Variants in RAD51B observed in about 807,000 individuals in gnomAD.
RAD51B encodes DNA repair protein RAD51 homolog 2.
Under a neutral mutation model 42.2 loss-of-function variants are expected in RAD51B, and 38 were observed. The observed-to-expected ratio is 0.90, with a 90% CI of 0.70 to 1.18. The LOEUF (loss-of-function observed/expected upper bound fraction) is 1.18. RAD51B is among the 50% of genes most tolerant of loss of function. The pLI is 0.00. For synonymous variants in RAD51B, 154 were observed against 145.2 expected, an observed-to-expected ratio of 1.06 and a Z score of -0.43; for missense variants, 373 against 400.7, an observed-to-expected ratio of 0.93 and a Z score of 0.59.
chr14:67,829,059 A>G (rs2040935518), intron 3 of RAD51B, among the ~76,000 whole-genome samples: 1 of 152,194 alleles, frequency 6.6e-6, no homozygotes, highest in Non-Finnish European at 1.5e-5. Flanking sequence ...CATTGAATCT[A>G]TAAATTACTT....
intron 8 of RAD51B, among the ~76,000 whole-genome samples, chr14:68,326,482 G>T (rs1014556334): frequency 6.6e-6 from 1 of 152,202 alleles, no homozygotes; most frequent in Non-Finnish European, 1.5e-5. Flanking sequence ...GTAAGGACAT[G>T]TAGGGGTTTG....
intron 7 of RAD51B, among the ~76,000 whole-genome samples, chr14:68,074,279 G>A (rs1205416663): frequency 1.3e-5 from 2 of 152,020 alleles, no homozygotes; most frequent in Non-Finnish European, 2.9e-5. Flanking sequence ...ACTAGTCTTT[G>A]AGCTCTGAGA....
chr14:68,467,007 C>A (rs1594880307), intron 9 of RAD51B, among the ~76,000 whole-genome samples: 1 of 152,318 alleles, frequency 6.6e-6, no homozygotes, highest in East Asian at 1.9e-4. Flanking sequence ...GCCTTTTGAT[C>A]ATTTGAAATT....
intron 7 of RAD51B, among the ~76,000 whole-genome samples, chr14:67,890,647 T>G (rs1206971420): frequency 8.1e-6 from 1 of 123,588 alleles, no homozygotes; most frequent in Admixed American, 1.1e-4. Flanking sequence ...GAGTGTAAAC[T>G]TCTTAATGAC....
chr14:67,837,245 A>AT (rs1373672178), intron 4 of RAD51B, among the ~76,000 whole-genome samples: 1 of 152,024 alleles, frequency 6.6e-6, no homozygotes, highest in Non-Finnish European at 1.5e-5. Context: ...ATTTTACATA[A>AT]ACTTTTTGGG....
intron 9 of RAD51B, among the ~76,000 whole-genome samples, chr14:68,428,559 A>G (rs1455081166): frequency 6.6e-6 from 1 of 151,648 alleles, no homozygotes; most frequent in African/African-American, 2.4e-5. Flanking sequence ...GGAAATCATC[A>G]TTCATCATTC....
intron 10 of RAD51B, among the ~76,000 whole-genome samples, chr14:68,619,751 A>T (rs1337561732): frequency 6.6e-6 from 1 of 152,216 alleles, no homozygotes; most frequent in Non-Finnish European, 1.5e-5. Flanking sequence ...TGTCCTAAGA[A>T]AGGGAAAATG....
At chr14:68,536,939 G>A (rs1027193778) in intron 10 of RAD51B, among the ~76,000 whole-genome samples, 1 of 151,836 alleles carries the variant, frequency 6.6e-6, no homozygotes, top group African/African-American at 2.4e-5. Context: ...AAATTAGCTG[G>A]GTGTGGTGGT....
chr14:67,944,207 T>A, intron 7 of RAD51B, among the ~76,000 whole-genome samples: 1 of 151,304 alleles, frequency 6.6e-6, no homozygotes, highest in East Asian at 1.9e-4. Context: ...AAAGATTTTT[T>A]TTTTTTTTTT....
chr14:67,824,527 GCATTA>G (rs2040743996), intron 2 of RAD51B, among the ~76,000 whole-genome samples: 1 of 152,022 alleles, frequency 6.6e-6, no homozygotes, highest in Non-Finnish European at 1.5e-5. Flanking sequence ...CAAAGTGCTA[GCATTA>G]CAGACATGAG....
intron 8 of RAD51B, among the ~76,000 whole-genome samples, chr14:68,348,765 G>T (rs941538877): frequency 6.6e-6 from 1 of 152,186 alleles, no homozygotes; most frequent in Non-Finnish European, 1.5e-5. Context: ...CAGGCATGGT[G>T]GGGGGCGCCT....
chr14:67,863,386 G>A (rs973064894), intron 4 of RAD51B, among the ~76,000 whole-genome samples: 1 of 152,026 alleles, frequency 6.6e-6, no homozygotes, highest in Non-Finnish European at 1.5e-5. Flanking sequence ...ACTTACTAGC[G>A]ATGTAAATTC....
In RAD51B at chr14:68,535,956, T is replaced by C. The variant is rs114250952; in HGVS notation, c.1037-58529T>C. On this transcript the variant is annotated intron_variant, in intron 10 of 10. Coordinates refer to the RAD51B transcript ENST00000487270. ...ATGCAACAGAAATGCTTCTGGCTAA[T>C]GTAAGCCAGAGTTTAAAAGAAGGAT... Among the ~76,000 whole-genome samples the C allele has an allele frequency of 6.3e-3, 955 of 152,290 alleles. 12 individuals carry two copies. Among genetic ancestry groups the C allele is most frequent in the African/African-American group, 0.022 (927 of 41,552 alleles).
chr14:67,888,558 A>G (rs967251794), intron 7 of RAD51B, among the ~76,000 whole-genome samples: 12 of 152,106 alleles, frequency 7.9e-5, no homozygotes, highest in African/African-American at 2.7e-4. Flanking sequence ...ATGTCACTGC[A>G]CTTCAGCCTG....
intron 7 of RAD51B, among the ~76,000 whole-genome samples, chr14:68,115,382 CTG>C (rs1484340741): frequency 9.1e-6 from 1 of 110,296 alleles, no homozygotes; most frequent in Non-Finnish European, 1.7e-5. Context: ...ACATCACACT[CTG>C]GGGACTGTTG....
chr14:68,392,455 T>A (rs1462516447), intron 8 of RAD51B, among the ~76,000 whole-genome samples: 1 of 152,166 alleles, frequency 6.6e-6, no homozygotes, highest in Non-Finnish European at 1.5e-5. Flanking sequence ...TGTCTCCATA[T>A]CTCTTTAGTG....
chr14:68,066,320 T>TA (rs11324156), intron 7 of RAD51B, among the ~76,000 whole-genome samples: 2 of 151,764 alleles, frequency 1.3e-5, no homozygotes, highest in Non-Finnish European at 1.5e-5. Context: ...TGGTAAAATT[T>TA]AAAAAAAAGA....
chr14:68,029,553 G>A (rs2076008360), intron 7 of RAD51B, among the ~76,000 whole-genome samples: 1 of 152,090 alleles, frequency 6.6e-6, no homozygotes, highest in Non-Finnish European at 1.5e-5. Flanking sequence ...CAATTCAATC[G>A]TATCTTCAGG....
At chr14:68,285,946 A>T (rs1315965273) in intron 7 of RAD51B, among the ~76,000 whole-genome samples, 1 of 152,250 alleles carries the variant, frequency 6.6e-6, no homozygotes, top group Non-Finnish European at 1.5e-5. Flanking sequence ...AGCGGAAGCC[A>T]TTGACCTACT....
Sources: gnomAD v4.1 joint callset for allele counts (sites outside exome capture counted in the v4.1 genomes callset) on GRCh38, gnomAD v4.1.1 for gene constraint, MANE v1.5 for transcripts, NCBI Gene and HGNC (gene_info 2026-07-23, HGNC 2026-07-21) for gene names.